The following NID2 variants were observed in gnomAD, a reference collection of about 807,000 sequenced individuals.
NID2 encodes the protein nidogen-2.
Under a neutral mutation model 145.4 loss-of-function variants are expected in NID2, and 83 were observed. The observed-to-expected ratio is 0.57, with a 90% confidence interval of 0.48 to 0.69. The LOEUF (loss-of-function observed/expected upper bound fraction) is 0.69. Among genes scored for constraint, NID2 ranks in the 30% least tolerant of loss-of-function variants. The pLI, the probability that NID2 is intolerant of heterozygous loss-of-function variation, is 0.00. For synonymous variants in NID2, 739 were observed against 701.3 expected, an observed-to-expected ratio of 1.05 and a Z score of -0.85; for missense variants, 1,807 against 1,765.7, an observed-to-expected ratio of 1.02 and a Z score of -0.42.
intron 14 of NID2, among the ~76,000 whole-genome samples, chr14:52,015,496 G>T (rs1396584043): frequency 6.6e-6 from 1 of 152,132 alleles, no homozygotes; most frequent in African/African-American, 2.4e-5. Flanking sequence ...CTTCTTTCTT[G>T]CCAGGAGGGT....
intron 15 of NID2, 48 bp from the exon 16 acceptor site, chr14:52,014,504 G>A (rs1231612638): frequency 6.5e-7 from 1 of 1,548,922 alleles, no homozygotes; most frequent in East Asian, 2.3e-5. Flanking sequence ...AGGGCAGGCA[G>A]GGAGATGGGA....
At chr14:52,046,312 G>A (rs1892491131) in intron 5 of NID2, among the ~76,000 whole-genome samples, 2 of 93,960 alleles carry the variant, frequency 2.1e-5, no homozygotes, top group Admixed American at 1.7e-4. Context: ...GACAGAGAGA[G>A]ACTCCATCTC....
chr14:52,010,896 G>C lies in NID2; in HGVS notation c.3702C>G (p.Ile1234Met), dbSNP rs757624317. 2.6e-5 allele frequency: 42 copies of C among 1,613,316 alleles called. 1 individual carries two copies. The Middle Eastern group carries it at 2.7e-3, about 105-fold the overall frequency. ...CTGACCCTCGGATTGGATCCACAGCGATGGCACGGGGATTCACCAGATCTG... is the reference window on the plus strand; with the variant it reads ...CTGACCCTCGGATTGGATCCACAGCCATGGCACGGGGATTCACCAGATCTG... ...FYTDLVNPRAIAVDPIRGNLY... is the reference protein window; with the variant it reads ...FYTDLVNPRAMAVDPIRGNLY... The change falls in exon 18 of 22, where the codon ATC becomes ATG. Residue 1234 changes from isoleucine (I) to methionine (M), a missense_variant. By Grantham distance (10) the Ile-to-Met change is conservative. Transcript: ENST00000216286.
intron 1 of NID2, 82 bp from the exon 2 acceptor site, chr14:52,068,245 G>A: frequency 7.4e-7 from 1 of 1,357,946 alleles, no homozygotes; most frequent in Non-Finnish European, 1.0e-6. Context: ...GAAGGGAACT[G>A]ACTTAGGCAA....
intron 8 of NID2, among the ~76,000 whole-genome samples, chr14:52,039,488 G>A (rs1246749874): frequency 6.6e-6 from 1 of 152,218 alleles, no homozygotes; most frequent in Non-Finnish European, 1.5e-5. Flanking sequence ...GGATTCCAGA[G>A]AAGGGAAAGG....
chr14:52,042,159 C>T lies in NID2; in HGVS notation c.1771G>A (p.Gly591Ser), dbSNP rs1356446243. 3 of 1,612,566 alleles carry T rather than the reference C, an allele frequency of 1.9e-6. No individual in the cohort carries two copies. Among genetic ancestry groups the T allele is most frequent in the East Asian group, 2.2e-5 (1 of 44,850 alleles). The change falls in exon 7 of 22, where the codon GGC becomes AGC. Residue 591 changes from glycine to serine, a missense_variant. By Grantham distance (56) the Gly-to-Ser change is moderately conservative. Coordinates refer to ENST00000216286, the MANE Select transcript of NID2 (RefSeq NM_007361.4). ...GGTTTTTCTAAAGCAAAGAGCCAGC[C>T]AAACAGGCCTCCAATTGGTGTGAGG... ...LPLTPIGGLFGWLFALEKPGS... is the reference protein window; with the variant it reads ...LPLTPIGGLFSWLFALEKPGS...
chr14:52,024,031 T>G (rs958007483), intron 12 of NID2, among the ~76,000 whole-genome samples: 6 of 152,220 alleles, frequency 3.9e-5, no homozygotes, highest in Non-Finnish European at 5.9e-5. Context: ...CATACACATA[T>G]ATTTCAATAT....
chr14:52,051,266 C>T (rs995198316), intron 5 of NID2, among the ~76,000 whole-genome samples: 2 of 152,206 alleles, frequency 1.3e-5, no homozygotes, highest in African/African-American at 4.8e-5. Context: ...AAGATGACTA[C>T]CCTAAAGCTT....
intron 11 of NID2, among the ~76,000 whole-genome samples, chr14:52,028,168 G>A (rs1891657540): frequency 6.6e-6 from 1 of 152,182 alleles, no homozygotes; most frequent in South Asian, 2.1e-4. Context: ...AATCCCAACT[G>A]AGGTGGGCAT....
chr14:52,043,076 C>A (rs1445742433), intron 5 of NID2, 145 bp from the exon 6 acceptor site: 2 of 745,398 alleles, frequency 2.7e-6, no homozygotes, highest in Non-Finnish European at 4.4e-6. Flanking sequence ...TAACATTCAA[C>A]CCAAGGGAAT....
rs578088379 is a variant in NID2 at position 52,068,139 on chromosome 14, T to G, written c.253A>C (p.Thr85Pro). Residue 85 changes from threonine (T) to proline (P), a missense_variant, in exon 2 of 22, where the codon ACT becomes CCT. Physicochemically the swap from Thr to Pro is conservative, Grantham distance 38. Transcript: ENST00000216286. Reference sequence around the variant, plus strand: ...TGCGTTTCCCTGGGGAAGTCCTGAGTGGAGATGATGCCGTTGGTGCCCACC... The same window carrying G: ...TGCGTTTCCCTGGGGAAGTCCTGAGGGGAGATGATGCCGTTGGTGCCCACC... ...LYVGTNGIIS[T>P]QDFPRETQYV... 14 of 1,612,774 alleles carry G rather than the reference T, an allele frequency of 8.7e-6. No homozygotes were observed. The African/African-American group carries it at 1.9e-4, about 22-fold the overall frequency.
rs756743057 is a variant in NID2 at position 52,010,880 on chromosome 14, G to A, written c.3718C>T (p.Arg1240Ter). The change falls in exon 18 of 22, where the codon CGA becomes TGA. Residue 1240 changes from arginine to a stop codon, truncating the protein, a stop_gained. Coordinates refer to ENST00000216286, the MANE Select transcript of NID2 (RefSeq NM_007361.4). LOFTEE classifies it high-confidence loss of function. Reference protein sequence around the residue: ...NPRAIAVDPIRGNLYWTDWNR... With the variant: ...NPRAIAVDPI The stretch of plus-strand genomic sequence containing the variant: ...AATTAGGGAAGCCCAGCTGACCCTC[G>A]GATTGGATCCACAGCGATGGCACGG... The A allele has an allele frequency of 1.9e-6, 3 of 1,612,042 alleles. No homozygotes were observed. The highest frequency in any genetic ancestry group is 2.5e-6 in the Non-Finnish European group (3 of 1,179,184).
intron 21 of NID2, 104 bp downstream of exon 21, chr14:52,005,633 A>C (rs555106732): frequency 1.5e-6 from 2 of 1,373,542 alleles, no homozygotes; most frequent in Non-Finnish European, 2.1e-6. Context: ...GGCAGGAAGA[A>C]GGCAATGGTG....
At position 52,005,380 on chromosome 14, in the gene NID2, C is replaced by T. The variant is rs775870603; in HGVS notation, c.*106G>A. ...AATGTTCATCTTGGATGCTCAGGAA[C>T]GTCTAATGGCCAATTCCTTTTTTAC... On this transcript the variant is annotated 3_prime_UTR_variant, in exon 22 of 22. Coordinates refer to ENST00000216286, the MANE Select transcript of NID2 (RefSeq NM_007361.4). The T allele has an allele frequency of 3.0e-5, 33 of 1,096,980 alleles. No homozygotes were observed. The highest frequency in any genetic ancestry group is 8.1e-5 in the Admixed American group (3 of 36,904). 68.0% of individuals were successfully genotyped at this position (1,096,980 alleles called of 1,614,324 possible).
intron 5 of NID2, among the ~76,000 whole-genome samples, chr14:52,050,356 G>T (rs755294621): frequency 1.7e-4 from 26 of 151,990 alleles, no homozygotes; most frequent in Non-Finnish European, 2.9e-4. Flanking sequence ...TCACTTCTCT[G>T]TTCATAATGT....
At chr14:52,047,393 G>C (rs1245193574) in intron 5 of NID2, among the ~76,000 whole-genome samples, 1 of 152,084 alleles carries the variant, frequency 6.6e-6, no homozygotes. Context: ...GCTGTGTCAG[G>C]CAGGAGGGGT....
chr14:52,052,151 G>A (rs555723433), intron 5 of NID2, among the ~76,000 whole-genome samples: 7 of 152,296 alleles, frequency 4.6e-5, no homozygotes, highest in African/African-American at 1.7e-4. Flanking sequence ...AATGTATTTA[G>A]AGGAAACTCA....
At position 52,029,584 on chromosome 14, in the gene NID2, G is replaced by T. The variant is rs780512709; in HGVS notation, c.2364C>A (p.Cys788Ter). 6.2e-7 allele frequency: 1 copy of T among 1,613,216 alleles called. No homozygotes were observed. Among genetic ancestry groups the T allele is most frequent in the Non-Finnish European group, 8.5e-7 (1 of 1,179,372 alleles). ...GTCCATCTCCCTGGTACCCAGATGC[G>T]CACTCACAGGTGTAATCTACACCTG... is the stretch of plus-strand genomic sequence containing the variant. ...PGTGVDYTCE[C>*]ASGYQGDGRN... is the part of the protein sequence containing the mutation. Residue 788 changes from cysteine (C) to a stop codon, truncating the protein, a stop_gained, in exon 10 of 22, where the codon TGC becomes TGA. Transcript: ENST00000216286. LOFTEE classifies it high-confidence loss of function.
intron 13 of NID2, 30 bp downstream of exon 13, chr14:52,020,029 A>G: frequency 6.2e-7 from 1 of 1,611,816 alleles, no homozygotes; most frequent in South Asian, 1.1e-5. Flanking sequence ...TAAGAGATTC[A>G]TGTGCCTAAT....
Sources: gnomAD v4.1 joint callset for allele counts (sites outside exome capture counted in the v4.1 genomes callset) on GRCh38, gnomAD v4.1.1 for gene constraint, MANE v1.5 for transcripts, NCBI Gene and HGNC (gene_info 2026-07-23, HGNC 2026-07-21) for gene names.